PMM2: variants seen among roughly 807,000 people sequenced by gnomAD.
PMM2 encodes the protein phosphomannomutase 2.
In PMM2, 35 loss-of-function variants were observed where a neutral mutation model predicts 33.2. The ratio of observed to expected loss-of-function variants is 1.06; its 90% CI spans 0.81 to 1.40. PMM2 has a LOEUF of 1.40. PMM2 is among the 40% of genes most tolerant of loss of function. PMM2 has a pLI of 0.00. For synonymous variants in PMM2, 153 were observed against 114.7 expected (o/e 1.33, Z -2.13); for missense variants, 386 against 306.0 (o/e 1.26, Z -1.95).
chr16:8,816,801 G>A (rs2060711092), intron 7 of PMM2, among the ~76,000 whole-genome samples: 1 of 152,156 alleles, frequency 6.6e-6, no homozygotes, highest in Non-Finnish European at 1.5e-5. Context: ...GTACACTGTT[G>A]TGGGAAATGT....
chr16:8,849,260 C>G lies in PMM2; in HGVS notation c.*1435C>G, dbSNP rs112739573. 1 of 152,316 alleles carries G rather than the reference C, an allele frequency of 6.6e-6. No individual in the cohort carries two copies. Among genetic ancestry groups the G allele is most frequent in the Non-Finnish European group, 1.5e-5 (1 of 68,074 alleles). The allele number at this position is 152,316 out of a possible 1,614,324, so 9.4% of individuals were successfully genotyped here. A position where few individuals can be genotyped will look rare whatever the true frequency, so the allele number is the denominator to read the frequency against. ...ACACAGCCATCCAGCGGCATCTTTC[C>G]TTGTCGAATGATACTGTAATGACCT... On this transcript the variant is annotated 3_prime_UTR_variant, in exon 8 of 8. Transcript: ENST00000268261.
intron 7 of PMM2, among the ~76,000 whole-genome samples, chr16:8,835,879 G>GTA: frequency 6.6e-6 from 1 of 151,954 alleles, no homozygotes; most frequent in East Asian, 1.9e-4. Context: ...AAGGTTGGGG[G>GTA]ATACAAGAGG....
chr16:8,835,343 G>C (rs1438843281), intron 7 of PMM2, among the ~76,000 whole-genome samples: 1 of 152,038 alleles, frequency 6.6e-6, no homozygotes, highest in Non-Finnish European at 1.5e-5. Context: ...ATAGGTAACA[G>C]ATGGGGATGA....
intron 7 of PMM2, among the ~76,000 whole-genome samples, chr16:8,817,784 T>C (rs571707110): frequency 6.6e-6 from 1 of 152,218 alleles, no homozygotes; most frequent in Non-Finnish European, 1.5e-5. Context: ...TCCAACAATG[T>C]CCCAGCCTTT....
At chr16:8,836,249 T>C (rs1177666990) in intron 7 of PMM2, among the ~76,000 whole-genome samples, 1 of 151,942 alleles carries the variant, frequency 6.6e-6, no homozygotes, top group Non-Finnish European at 1.5e-5. Context: ...TGATGGTTTA[T>C]GGGGCTTCCG....
intron 7 of PMM2, among the ~76,000 whole-genome samples, chr16:8,827,894 ATATGATATATAT>A (rs2060785033): frequency 7.8e-5 from 8 of 102,846 alleles, no homozygotes; most frequent in Non-Finnish European, 1.6e-4. Context: ...TATATGATAT[ATATGATATATAT>A]TATATATATT....
At chr16:8,802,504 C>G in intron 2 of PMM2, 1 of 302,860 alleles carries the variant, frequency 3.3e-6, no homozygotes, top group Non-Finnish European at 6.5e-6. Flanking sequence ...TATTCATCTC[C>G]ATAGCCACAG....
At chr16:8,832,185 G>T in intron 7 of PMM2, 3 of 985,416 alleles carry the variant, frequency 3.0e-6, no homozygotes, top group Non-Finnish European at 2.4e-6. Context: ...AGCCCACCAT[G>T]CTCTGAGAGT....
In PMM2 at chr16:8,827,332, G is replaced by GA. The variant is rs1163494929; in HGVS notation, c.639+14238dup. Among the ~76,000 whole-genome samples, 99 of 133,866 alleles carry GA rather than the reference G, an allele frequency of 7.4e-4. 1 individual carries two copies. Among genetic ancestry groups the GA allele is most frequent in the East Asian group, 1.5e-3 (7 of 4,680 alleles). 87.8% of individuals were successfully genotyped at this position (133,866 alleles called of 152,430 possible). A position where few individuals can be genotyped will look rare whatever the true frequency, so the allele number is the denominator to read the frequency against. The stretch of plus-strand genomic sequence containing the variant: ...GACAAACAAAAACTCATTCCTCGAA[G>GA]AAAAAAAAAAAATCCAGGAAGAGAA... On this transcript the variant is annotated intron_variant, in intron 7 of 7. Coordinates refer to ENST00000268261, the MANE Select transcript of PMM2 (RefSeq NM_000303.3).
chr16:8,816,855 A>G (rs1035588808), intron 7 of PMM2, among the ~76,000 whole-genome samples: 44 of 152,238 alleles, frequency 2.9e-4, no homozygotes, highest in African/African-American at 9.4e-4. Flanking sequence ...TGGTTCCTCA[A>G]ATTAAAAATA....
chr16:8,820,345 G>GTTTTT (rs2060731035), intron 7 of PMM2, among the ~76,000 whole-genome samples: 1 of 132,670 alleles, frequency 7.5e-6, no homozygotes, highest in Non-Finnish European at 1.6e-5. Context: ...TGAGGACACA[G>GTTTTT]TTCTTCTTTT....
At chr16:8,829,993 CATGATGGGGCTACAGGCAGACACCCA>C (rs1193273836) in intron 7 of PMM2, among the ~76,000 whole-genome samples, 4 of 152,206 alleles carry the variant, frequency 2.6e-5, no homozygotes, top group South Asian at 4.1e-4. Context: ...AGAGATGCCC[CATGATGGGGCTACAGGCAGACACCCA>C]ATGATGGGGC....
intron 7 of PMM2, among the ~76,000 whole-genome samples, chr16:8,828,797 G>A (rs1228990431): frequency 6.6e-6 from 1 of 152,196 alleles, no homozygotes; most frequent in East Asian, 1.9e-4. Flanking sequence ...GCAGCTGTGA[G>A]TGGGTTTGGT....
chr16:8,798,172 C>G (rs2060590544), intron 1 of PMM2, among the ~76,000 whole-genome samples: 1 of 152,238 alleles, frequency 6.6e-6, no homozygotes, highest in South Asian at 2.1e-4. Context: ...CTGAAGAACT[C>G]TTAAGAGCAG....
intron 7 of PMM2, among the ~76,000 whole-genome samples, chr16:8,819,778 A>G (rs966994714): frequency 2.2e-4 from 33 of 152,240 alleles, no homozygotes; most frequent in African/African-American, 7.7e-4. Flanking sequence ...GCACTTCCTC[A>G]GTGTCAGACC....
intron 7 of PMM2, among the ~76,000 whole-genome samples, chr16:8,839,118 T>G (rs1400931524): frequency 6.6e-6 from 1 of 151,990 alleles, no homozygotes; most frequent in African/African-American, 2.4e-5. Context: ...CAGAAAGTCC[T>G]AAACCGACCA....
chr16:8,844,263 G>A (rs1257822458), intron 7 of PMM2, among the ~76,000 whole-genome samples: 1 of 151,238 alleles, frequency 6.6e-6, no homozygotes, highest in Non-Finnish European at 1.5e-5. Context: ...AGAAGAAGGA[G>A]GAATGTAGGA....
intron 7 of PMM2, among the ~76,000 whole-genome samples, chr16:8,820,629 C>G (rs565714030): frequency 6.6e-6 from 1 of 152,298 alleles, no homozygotes; most frequent in Admixed American, 6.5e-5. Flanking sequence ...GCTGGAATTA[C>G]AGGCGTGAGC....
At chr16:8,841,300 G>A (rs1346094113) in intron 7 of PMM2, among the ~76,000 whole-genome samples, 1 of 151,260 alleles carries the variant, frequency 6.6e-6, no homozygotes, top group Admixed American at 6.6e-5. Context: ...GAGGAATTAT[G>A]TCTGACAGAA....
Sources: allele counts gnomAD v4.1 joint callset (sites outside exome capture counted in the v4.1 genomes callset), GRCh38; gene constraint gnomAD v4.1.1; transcripts MANE v1.5; gene names NCBI Gene and HGNC (gene_info 2026-07-23, HGNC 2026-07-21).